NOMO3: variants seen among roughly 807,000 people sequenced by gnomAD.
NOMO3 encodes the protein NODAL modulator 3, also known as BOS complex subunit NOMO3.
In NOMO3, 15 loss-of-function variants were observed where a neutral mutation model predicts 69.9. The observed-to-expected ratio is 0.21, with a 90% CI of 0.14 to 0.33. The LOEUF is 0.33. Ranked by LOEUF, NOMO3 falls within the 10% of genes least tolerant of loss-of-function variation. The pLI, the probability that NOMO3 is intolerant of heterozygous loss-of-function variation, is 1.00. For missense variants in NOMO3, 218 were observed against 761.0 expected (o/e 0.29, Z 8.39); for synonymous variants, 89 against 301.9 (o/e 0.29, Z 7.31).
rs2049444527 is a variant in NOMO3 at position 16,249,482 on chromosome 16, T to C, written c.583-1446T>C. Among the ~76,000 whole-genome samples, 5 of 134,332 alleles carry C rather than the reference T, an allele frequency of 3.7e-5. No individual in the cohort carries two copies. In the South Asian group the frequency reaches 1.3e-3, roughly 34 times the overall value. The allele number at this position is 134,332 out of a possible 152,430, so 88.1% of individuals were successfully genotyped here. A position where few individuals can be genotyped will look rare whatever the true frequency, so the allele number is the denominator to read the frequency against. ...CTGTAATCCCAGCTACTCGGGAGGCTGAGGCAGGAGAATCGCTTGAACCTG... is the reference window on the plus strand; with the variant it reads ...CTGTAATCCCAGCTACTCGGGAGGCCGAGGCAGGAGAATCGCTTGAACCTG... On this transcript the variant is annotated intron_variant, in intron 6 of 30. Coordinates refer to ENST00000399336, the MANE Select transcript of NOMO3 (RefSeq NM_001004067.4).
intron 16 of NOMO3, among the ~76,000 whole-genome samples, chr16:16,267,520 C>T (rs1202526552): frequency 5.6e-5 from 8 of 143,280 alleles, no homozygotes; most frequent in African/African-American, 1.2e-4. Flanking sequence ...CTGCAGCCTC[C>T]GCCTCCTGGG....
intron 4 of NOMO3, among the ~76,000 whole-genome samples, chr16:16,243,878 A>C (rs1201084591): frequency 1.4e-5 from 2 of 144,300 alleles, no homozygotes; most frequent in Non-Finnish European, 3.0e-5. Context: ...AATTGGAAGG[A>C]CACACTCTCT....
At position 16,259,185 on chromosome 16, in the gene NOMO3, G is replaced by A. The variant is rs966522372; in HGVS notation, c.1221-2317G>A. On this transcript the variant is annotated intron_variant, in intron 11 of 30. Coordinates refer to ENST00000399336, the MANE Select transcript of NOMO3 (RefSeq NM_001004067.4). ...GGTAGATGGAGGCGGTGCTGTTCAC[G>A]GAGATGGAGGAAATATATTTATTTT... Among the ~76,000 whole-genome samples the A allele has an allele frequency of 6.9e-5, 10 of 144,118 alleles. 2 individuals carry two copies. The highest frequency in any genetic ancestry group is 6.8e-4 in the East Asian group (3 of 4,432). The allele number at this position is 144,118 out of a possible 152,430, so 94.5% of individuals were successfully genotyped here.
At chr16:16,257,643 G>C (rs1171495784) in intron 11 of NOMO3, among the ~76,000 whole-genome samples, 1 of 134,756 alleles carries the variant, frequency 7.4e-6, no homozygotes, top group South Asian at 2.3e-4. Context: ...GGTGGCCCAG[G>C]GGGGGACCTA....
Position 16,249,642 on chromosome 16 carries a change from A to G in NOMO3, c.583-1286A>G, listed in dbSNP as rs1002287416. On this transcript the variant is annotated intron_variant, in intron 6 of 30. Transcript: ENST00000399336. ...GAGCTTACACATTTATAAATAGAAG[A>G]GATTTTAAGGTTTACATTGTATGTT... 9.8e-5 allele frequency among the ~76,000 whole-genome samples: 14 copies of G among 143,150 alleles called. 1 individual carries two copies. Among genetic ancestry groups the G allele is most frequent in the Non-Finnish European group, 7.4e-5 (5 of 67,624 alleles). 93.9% of individuals were successfully genotyped at this position (143,150 alleles called of 152,430 possible).
In NOMO3 at chr16:16,239,397, C is replaced by CCT. The variant is rs1215785944; in HGVS notation, c.256-452_256-451dup. Among the ~76,000 whole-genome samples, 21 of 145,582 alleles carry CCT rather than the reference C, an allele frequency of 1.4e-4. 1 individual carries two copies. Among genetic ancestry groups the CCT allele is most frequent in the African/African-American group, 4.4e-4 (16 of 36,712 alleles). The stretch of plus-strand genomic sequence containing the variant: ...TCTTGAACTCCTGGCCTCAAGTGAC[C>CCT]CTCCTGCCTTGGCCTCCCACAGTGT... On this transcript the variant is annotated intron_variant, in intron 2 of 30. Coordinates refer to ENST00000399336, the MANE Select transcript of NOMO3 (RefSeq NM_001004067.4).
At chr16:16,256,224 A>G in intron 11 of NOMO3, 66 bp downstream of exon 11, 1 of 1,540,990 alleles carries the variant, frequency 6.5e-7, no homozygotes, top group Non-Finnish European at 8.7e-7. Flanking sequence ...GAACCAAATG[A>G]CCTGTGATCT....
At chr16:16,257,903 C>T (rs1357790568) in intron 11 of NOMO3, among the ~76,000 whole-genome samples, 1 of 141,650 alleles carries the variant, frequency 7.1e-6, no homozygotes, top group Non-Finnish European at 1.5e-5. Flanking sequence ...CTTCCATAAA[C>T]ACTTTGTGCA....
At chr16:16,263,354 T>C in intron 13 of NOMO3, 139 bp downstream of exon 13, 2 of 1,576,402 alleles carry the variant, frequency 1.3e-6, no homozygotes, top group East Asian at 2.5e-5. Flanking sequence ...TGGAGTCAGG[T>C]GGGTACATGT....
At position 16,267,106 on chromosome 16, in the gene NOMO3, C is replaced by T; in HGVS notation, c.1869C>T (p.Val623=). 1 of 938,626 alleles carries T rather than the reference C, an allele frequency of 1.1e-6. No individual in the cohort carries two copies. Among genetic ancestry groups the T allele is most frequent in the Non-Finnish European group, 1.6e-6 (1 of 617,624 alleles). 58.1% of individuals were successfully genotyped at this position (938,626 alleles called of 1,614,324 possible). The change falls in exon 16 of 31, where the codon GTC becomes GTT. Residue 623 remains valine (V), a synonymous_variant. Coordinates refer to ENST00000399336, the MANE Select transcript of NOMO3 (RefSeq NM_001004067.4). The part of the protein sequence containing the change: ...NVGIYNLSKG[V]NRFCLSKPGV... ...GGATTTATAACCTCTCCAAAGGAGT[C>T]AACCGATTCTGCCTGTCCAAGCCTG...
chr16:16,254,648 T>A (rs2049494513), intron 9 of NOMO3, among the ~76,000 whole-genome samples: 1 of 143,012 alleles, frequency 7.0e-6, no homozygotes, highest in South Asian at 2.2e-4. Context: ...ACAGAAAAAG[T>A]CCCTGTCTCC....
chr16:16,265,189 G>A lies in NOMO3; in HGVS notation c.1806+10G>A. ...TCACGCCATCACTCTGGTATGTACG[G>A]CTTATGGAGTCTCTTATTTGGAAAA... On this transcript the variant is annotated intron_variant, in intron 15 of 30. Coordinates refer to ENST00000399336, the MANE Select transcript of NOMO3 (RefSeq NM_001004067.4). The A allele has an allele frequency of 6.3e-7, 1 of 1,587,868 alleles. No homozygotes were observed.
chr16:16,258,087 G>T (rs1364522410), intron 11 of NOMO3, among the ~76,000 whole-genome samples: 1 of 142,330 alleles, frequency 7.0e-6, no homozygotes, highest in Non-Finnish European at 1.5e-5. Flanking sequence ...AGGCAGAGGT[G>T]GGCGGATCGC....
intron 1 of NOMO3, among the ~76,000 whole-genome samples, chr16:16,235,268 C>T (rs1265632241): frequency 6.6e-6 from 1 of 150,874 alleles, no homozygotes; most frequent in Non-Finnish European, 1.5e-5. Flanking sequence ...TTCATAGCGG[C>T]TCGTGTCATG....
chr16:16,250,913 CTT>C lies in NOMO3; in HGVS notation c.583-11_583-10del, dbSNP rs2049456750. The C allele has an allele frequency of 1.8e-6, 1 of 555,122 alleles. No homozygotes were observed. Among genetic ancestry groups the C allele is most frequent in the African/African-American group, 3.1e-5 (1 of 32,240 alleles). The allele number at this position is 555,122 out of a possible 1,614,324, so 34.4% of individuals were successfully genotyped here. ...TGTTTATTTTTTTACAGGTTAAAAT[CTT>C]TTTCTGTTACAGGCAAGCACCACAG... is the stretch of plus-strand genomic sequence containing the variant. On this transcript the variant is annotated splice_polypyrimidine_tract_variant and intron_variant, in intron 6 of 30. Coordinates refer to ENST00000399336, the MANE Select transcript of NOMO3 (RefSeq NM_001004067.4).
Position 16,269,636 on chromosome 16 carries a change from C to CT in NOMO3, c.1895-484dup, listed in dbSNP as rs969231436. Among the ~76,000 whole-genome samples, 91 of 133,300 alleles carry CT rather than the reference C, an allele frequency of 6.8e-4. 13 individuals are homozygous for CT. The highest frequency in any genetic ancestry group is 2.7e-3 in the African/African-American group (78 of 29,370). 87.4% of individuals were successfully genotyped at this position (133,300 alleles called of 152,430 possible). A position where few individuals can be genotyped will look rare whatever the true frequency, so the allele number is the denominator to read the frequency against. On this transcript the variant is annotated intron_variant, in intron 16 of 30. Coordinates refer to ENST00000399336, the MANE Select transcript of NOMO3 (RefSeq NM_001004067.4). ...CTCTGGCAAGTGATGAAATGTACCCCTACTCGGAGTGTCCTCCCACACAGA... is the reference window on the plus strand; with the variant it reads ...CTCTGGCAAGTGATGAAATGTACCCCTTACTCGGAGTGTCCTCCCACACAGA...
Position 16,252,105 on chromosome 16 carries a change from G to A in NOMO3, c.873+5G>A, listed in dbSNP as rs759346016. On this transcript the variant is annotated splice_donor_5th_base_variant and intron_variant, in intron 8 of 30. Transcript: ENST00000399336. ...CCAAGTGGGGGCTACACTGTGGTGAGTGAAGCAGATTTCCGTTCTGTTTAT... is the reference window on the plus strand; with the variant it reads ...CCAAGTGGGGGCTACACTGTGGTGAATGAAGCAGATTTCCGTTCTGTTTAT... 1.5e-6 allele frequency: 2 copies of A among 1,355,688 alleles called. No homozygotes were observed. The highest frequency in any genetic ancestry group is 2.6e-5 in the South Asian group (2 of 76,176). 84.0% of individuals were successfully genotyped at this position (1,355,688 alleles called of 1,614,324 possible).
Position 16,243,974 on chromosome 16 carries a change from G to A in NOMO3, c.402+713G>A, listed in dbSNP as rs574441260. On this transcript the variant is annotated intron_variant, in intron 4 of 30. Transcript: ENST00000399336. ...GCGTGCATCTGCTTCTGACACTTAC[G>A]TAGGAGGATTCCTATTATTTAAGTT... Among the ~76,000 whole-genome samples, 3 of 144,154 alleles carry A rather than the reference G, an allele frequency of 2.1e-5. 1 individual carries two copies. Among genetic ancestry groups the A allele is most frequent in the South Asian group, 4.4e-4 (2 of 4,558 alleles). The allele number at this position is 144,154 out of a possible 152,430, so 94.6% of individuals were successfully genotyped here. A position where few individuals can be genotyped will look rare whatever the true frequency, so the allele number is the denominator to read the frequency against.
At chr16:16,255,347 G>A (rs2049501181) in intron 9 of NOMO3, among the ~76,000 whole-genome samples, 1 of 140,616 alleles carries the variant, frequency 7.1e-6, no homozygotes, top group East Asian at 2.3e-4. Context: ...AAGTGATGCC[G>A]GGGTGTGCAT....
Sources: gnomAD v4.1 joint callset for allele counts (sites outside exome capture counted in the v4.1 genomes callset) on GRCh38, gnomAD v4.1.1 for gene constraint, MANE v1.5 for transcripts, NCBI Gene and HGNC (gene_info 2026-07-23, HGNC 2026-07-21) for gene names.